The following WNK1 variants were observed in gnomAD, a reference collection of about 807,000 sequenced individuals.
WNK1 encodes WNK lysine deficient protein kinase 1.
Under a neutral mutation model 222.8 loss-of-function variants are expected in WNK1, and 38 were observed. That is an observed-to-expected ratio of 0.17 (90% CI 0.13 to 0.22). The LOEUF is 0.22. WNK1 is among the 10% of genes least tolerant of loss of function. The pLI is 1.00. For synonymous variants in WNK1, 1,090 were observed against 1,092.9 expected (o/e 1.00, Z 0.05); for missense variants, 2,348 against 2,918.4 (o/e 0.80, Z 4.50).
intron 1 of WNK1, among the ~76,000 whole-genome samples, chr12:777,959 T>A (rs1395341597): frequency 6.6e-6 from 1 of 152,238 alleles, no homozygotes; most frequent in African/African-American, 2.4e-5. Flanking sequence ...TGGCAGTGGA[T>A]GCCTTGTTAC....
intron 1 of WNK1, among the ~76,000 whole-genome samples, chr12:787,021 A>C (rs1162613665): frequency 6.6e-6 from 1 of 151,246 alleles, no homozygotes; most frequent in Admixed American, 6.6e-5. Flanking sequence ...AGATAGATTT[A>C]TTTTCTTTGC....
At chr12:802,441 A>G (rs1181845373) in intron 1 of WNK1, among the ~76,000 whole-genome samples, 2 of 152,206 alleles carry the variant, frequency 1.3e-5, no homozygotes, top group Non-Finnish European at 2.9e-5. Context: ...TTTGACTTCC[A>G]CTTGTGTGTC....
intron 25 of WNK1, among the ~76,000 whole-genome samples, chr12:898,083 A>G (rs1033330603): frequency 6.6e-6 from 1 of 152,260 alleles, no homozygotes; most frequent in African/African-American, 2.4e-5. Context: ...TGACTTAGTC[A>G]TAATTGCAAC....
At chr12:817,124 A>C (rs1281118685) in intron 2 of WNK1, among the ~76,000 whole-genome samples, 49 of 152,220 alleles carry the variant, frequency 3.2e-4, no homozygotes, top group Non-Finnish European at 1.9e-4. Flanking sequence ...TGAGCAACAG[A>C]ACACACAAAA....
chr12:773,431 A>G (rs961244687), intron 1 of WNK1, among the ~76,000 whole-genome samples: 2 of 152,204 alleles, frequency 1.3e-5, no homozygotes, highest in Admixed American at 1.3e-4. Flanking sequence ...TTTTGAAAAT[A>G]TAGGAAATTC....
intron 1 of WNK1, among the ~76,000 whole-genome samples, chr12:799,985 T>C (rs76311496): frequency 0.015 from 2,300 of 152,188 alleles, 59 homozygotes; most frequent in African/African-American, 0.052. Flanking sequence ...ACAAAAATTT[T>C]TAAAGAAAGT....
chr12:822,087 C>CTTTTTTTTTTTTTT (rs376271992), intron 2 of WNK1, among the ~76,000 whole-genome samples: 3 of 71,430 alleles, frequency 4.2e-5, no homozygotes, highest in Admixed American at 2.2e-4. Flanking sequence ...TGTCTTATAC[C>CTTTTTTTTTTTTTT]TTTTTTTTTT....
chr12:908,861 G>GGGGGGGTGGCA lies in WNK1; in HGVS notation c.*69_*70insGGGGGGTGGCA. The GGGGGGGTGGCA allele has an allele frequency of 2.0e-6, 1 of 491,846 alleles. No homozygotes were observed. Among genetic ancestry groups the GGGGGGGTGGCA allele is most frequent in the Non-Finnish European group, 4.1e-6 (1 of 241,770 alleles). The allele number at this position is 491,846 out of a possible 1,614,324, so 30.5% of individuals were successfully genotyped here. A position where few individuals can be genotyped will look rare whatever the true frequency, so the allele number is the denominator to read the frequency against. ...ATGCTGAGGGGGTGGGTGGGGGTGGGAAGTAGCCTATATACTAACTACTAG... is the reference window on the plus strand; with the variant it reads ...ATGCTGAGGGGGTGGGTGGGGGTGGGGGGGGGTGGCAAAGTAGCCTATATACTAACTACTAG... On this transcript the variant is annotated 3_prime_UTR_variant, in exon 28 of 28. Transcript: ENST00000315939.
rs763836773 is a variant in WNK1 at position 907,873 on chromosome 12, G to T, written c.6670G>T (p.Ala2224Ser). The change falls in exon 27 of 28, where the codon GCA (alanine) becomes TCA (serine). Residue 2224 changes from alanine (A) to serine (S), a missense_variant. Around this residue, in one of 13 missense-constraint regions of WNK1, gnomAD observed 1,144 missense variants for 1,273.6 expected, o/e 0.90. Transcript: ENST00000315939. The stretch of plus-strand genomic sequence containing the variant: ...AACCAGCAGCACAAACACTGTTGGG[G>T]CAACAGTGAACAGCCAAGCCGCCCA... ...QGTSSTNTVG[A>S]TVNSQAAQAQ... The T allele has an allele frequency of 9.3e-6, 15 of 1,613,748 alleles. No homozygotes were observed. Among genetic ancestry groups the T allele is most frequent in the Non-Finnish European group, 1.2e-5 (14 of 1,180,020 alleles).
intron 4 of WNK1, 142 bp from the exon 5 acceptor site, chr12:857,019 T>C: frequency 2.5e-6 from 2 of 799,324 alleles, no homozygotes; most frequent in South Asian, 3.0e-5. Flanking sequence ...ACTGTGACAC[T>C]GCATGGACCA....
intron 1 of WNK1, among the ~76,000 whole-genome samples, chr12:781,530 A>AG (rs1943709197): frequency 6.6e-6 from 1 of 152,212 alleles, no homozygotes; most frequent in South Asian, 2.1e-4. Context: ...TAACAACTGA[A>AG]GTTAGGTGTG....
chr12:777,338 T>C (rs962588246), intron 1 of WNK1, among the ~76,000 whole-genome samples: 1 of 151,960 alleles, frequency 6.6e-6, no homozygotes, highest in Non-Finnish European at 1.5e-5. Context: ...TTTTGTATTC[T>C]TAGTAGAGAC....
chr12:866,318 T>A (rs1951662976), intron 8 of WNK1, among the ~76,000 whole-genome samples: 1 of 152,194 alleles, frequency 6.6e-6, no homozygotes, highest in African/African-American at 2.4e-5. Context: ...TGAATTCTTT[T>A]AAAAAGCGGG....
intron 1 of WNK1, among the ~76,000 whole-genome samples, chr12:762,071 T>C (rs1941098196): frequency 1.4e-5 from 2 of 144,786 alleles, no homozygotes. Context: ...AATTTTTTTT[T>C]TTTTTTGAGG....
At chr12:798,111 G>A (rs1238386297) in intron 1 of WNK1, among the ~76,000 whole-genome samples, 2 of 151,966 alleles carry the variant, frequency 1.3e-5, no homozygotes, top group African/African-American at 4.8e-5. Flanking sequence ...TATGGATAGA[G>A]CTCCTTTTTA....
Position 900,556 on chromosome 12 carries a change from G to C in WNK1, c.6529G>C (p.Gly2177Arg). Residue 2177 changes from glycine (G) to arginine (R), a missense_variant, in exon 26 of 28, where the codon GGG becomes CGG. Physicochemically the swap from Gly to Arg is moderately radical, Grantham distance 125 (BLOSUM62 -2). Around this residue, in one of 13 missense-constraint regions of WNK1, gnomAD observed 1,144 missense variants for 1,273.6 expected, o/e 0.90. Transcript: ENST00000315939. ...LHPPGNIPES[G>R]QNQLLQPLKP... is the part of the protein sequence containing the mutation. ...CCCTCCTGGCAACATCCCAGAGTCC[G>C]GGCAGAATCAGCTGTTACAGCCCCT... The C allele has an allele frequency of 6.2e-7, 1 of 1,614,184 alleles. No homozygotes were observed. Among genetic ancestry groups the C allele is most frequent in the Non-Finnish European group, 8.5e-7 (1 of 1,180,034 alleles).
chr12:818,220 C>T (rs868590468), intron 2 of WNK1, among the ~76,000 whole-genome samples: 5 of 152,110 alleles, frequency 3.3e-5, no homozygotes, highest in African/African-American at 9.7e-5. Flanking sequence ...TTTAATTGCA[C>T]ATTATCTAAG....
At chr12:792,124 A>C (rs1048930605) in intron 1 of WNK1, among the ~76,000 whole-genome samples, 10 of 152,186 alleles carry the variant, frequency 6.6e-5, no homozygotes, top group African/African-American at 2.2e-4. Flanking sequence ...CAAAAGTGAG[A>C]GAGCTTGTCA....
chr12:868,787 G>A, intron 8 of WNK1: 3 of 1,614,036 alleles, frequency 1.9e-6, no homozygotes, highest in Non-Finnish European at 2.5e-6. Context: ...TGTGACTGAA[G>A]AAAAGCATAA....
Sources: allele counts gnomAD v4.1 joint callset (sites outside exome capture counted in the v4.1 genomes callset), GRCh38; gene constraint gnomAD v4.1.1; regional missense constraint gnomAD v4.1.1; transcripts MANE v1.5; gene names NCBI Gene and HGNC (gene_info 2026-07-23, HGNC 2026-07-21).